BTNL9: variants seen among roughly 807,000 people sequenced by gnomAD.
BTNL9 encodes butyrophilin-like protein 9.
A neutral mutation model predicts 45.8 loss-of-function variants in BTNL9; 45 were observed. The ratio of observed to expected loss-of-function variants is 0.98; its 90% confidence interval spans 0.77 to 1.26. The LOEUF (loss-of-function observed/expected upper bound fraction) is 1.26, where lower values mean the gene tolerates loss of function less well. Ranked by LOEUF, BTNL9 falls within the 50% of genes most tolerant of loss-of-function variation. BTNL9 has a pLI of 0.00. For missense variants in BTNL9, 784 were observed against 729.7 expected (o/e 1.07, Z -0.86); for synonymous variants, 346 against 330.8 (o/e 1.05, Z -0.50).
In BTNL9 at chr5:181,045,775, T is replaced by A. The variant is rs564304598; in HGVS notation, c.109+177T>A. On this transcript the variant is annotated intron_variant, in intron 2 of 10. Coordinates refer to ENST00000327705, the MANE Select transcript of BTNL9 (RefSeq NM_152547.5). ...CCGAGCATTACCCAGCCTGTAGTGA[T>A]GTTCCTCCACCATCTCCCCAGCCCC... Among the ~76,000 whole-genome samples, 124 of 138,106 alleles carry A rather than the reference T, an allele frequency of 9.0e-4. No homozygotes were observed. The Middle Eastern group carries it at 0.012, about 13-fold the overall frequency. 90.6% of individuals were successfully genotyped at this position (138,106 alleles called of 152,430 possible). A position where few individuals can be genotyped will look rare whatever the true frequency, so the allele number is the denominator to read the frequency against.
chr5:181,043,232 ATGTGTGTG>A (rs1491388856), intron 1 of BTNL9, among the ~76,000 whole-genome samples: 4 of 42,556 alleles, frequency 9.4e-5, no homozygotes, highest in Admixed American at 2.4e-4. Flanking sequence ...GTGTGTGTCT[ATGTGTGTG>A]TCTGTGTGTG....
intron 4 of BTNL9, among the ~76,000 whole-genome samples, chr5:181,052,187 A>G (rs1761575303): frequency 6.6e-6 from 1 of 152,264 alleles, no homozygotes; most frequent in South Asian, 2.1e-4. Context: ...AAAATTAAAA[A>G]CCACAGTCCA....
rs1263682194 is a variant in BTNL9 at position 181,058,525 on chromosome 5, A to G, written c.982+147A>G. 8.5e-6 allele frequency: 9 copies of G among 1,060,308 alleles called. No homozygotes were observed. In the African/African-American group the frequency reaches 9.4e-5, roughly 11 times the overall value. The allele number at this position is 1,060,308 out of a possible 1,614,324, so 65.7% of individuals were successfully genotyped here. A position where few individuals can be genotyped will look rare whatever the true frequency, so the allele number is the denominator to read the frequency against. On this transcript the variant is annotated intron_variant, in intron 10 of 10. Coordinates refer to ENST00000327705, the MANE Select transcript of BTNL9 (RefSeq NM_152547.5). ...CACAAGACACACACGCACACTTGCA[A>G]ACACGCCACACGACACATATGCCTG...
chr5:181,045,519 C>T lies in BTNL9; in HGVS notation c.30C>T (p.Ser10=), dbSNP rs775890914. MVDLSVSPD[S]LKPVSLTSSL... Reference sequence around the variant, plus strand: ...TGGACCTCTCAGTCTCCCCAGACTCCTTGAAGCCAGTATCGCTGACCAGCA... The same window carrying T: ...TGGACCTCTCAGTCTCCCCAGACTCTTTGAAGCCAGTATCGCTGACCAGCA... Residue 10 remains serine, a synonymous_variant, in exon 2 of 11, where the codon TCC becomes TCT. Transcript: ENST00000327705. 4.3e-6 allele frequency: 7 copies of T among 1,612,320 alleles called. No homozygotes were observed. The highest frequency in any genetic ancestry group is 5.9e-6 in the Non-Finnish European group (7 of 1,178,990).
chr5:181,053,440 C>A lies in BTNL9; in HGVS notation c.854-29C>A. The A allele has an allele frequency of 6.4e-7, 1 of 1,556,140 alleles. No homozygotes were observed. Among genetic ancestry groups the A allele is most frequent in the African/African-American group, 1.4e-5 (1 of 73,678 alleles). On this transcript the variant is annotated intron_variant, in intron 5 of 10. Coordinates refer to ENST00000327705, the MANE Select transcript of BTNL9 (RefSeq NM_152547.5). The surrounding 1 kb of genome is among the most constrained non-coding windows in gnomAD (Gnocchi z 6.5). ...CCTGGAAGGGGCGGGGGCGCGCACTCAGCCCTCTCCGCTCCCGTTTCCCTT... is the reference window on the plus strand; with the variant it reads ...CCTGGAAGGGGCGGGGGCGCGCACTAAGCCCTCTCCGCTCCCGTTTCCCTT...
chr5:181,044,575 G>C (rs1369506938), intron 1 of BTNL9, among the ~76,000 whole-genome samples: 1 of 152,236 alleles, frequency 6.6e-6, no homozygotes, highest in African/African-American at 2.4e-5. Context: ...TTCAGGCAGA[G>C]ATTTCGGTCC....
chr5:181,044,935 GCAGC>G (rs748190345), intron 1 of BTNL9, among the ~76,000 whole-genome samples: 25 of 152,320 alleles, frequency 1.6e-4, no homozygotes, highest in Non-Finnish European at 2.6e-4. Flanking sequence ...GGGCTGGCAG[GCAGC>G]CACCTGCATG....
Position 181,055,419 on chromosome 5 carries a change from T to A in BTNL9, c.908-14T>A, listed in dbSNP as rs748742004. On this transcript the variant is annotated splice_polypyrimidine_tract_variant and intron_variant, in intron 7 of 10. Coordinates refer to ENST00000327705, the MANE Select transcript of BTNL9 (RefSeq NM_152547.5). This position sits in a 1 kb window ranked among gnomAD's most constrained non-coding sequence, Gnocchi z 4.4. ...CCTGCAGGCTGAAGTTTTCTTTGTG[T>A]GTTCTGCTTGCAGAAAAGCTTCAGA... is the stretch of plus-strand genomic sequence containing the variant. 2 of 1,614,152 alleles carry A rather than the reference T, an allele frequency of 1.2e-6. No homozygotes were observed. The highest frequency in any genetic ancestry group is 1.7e-6 in the Non-Finnish European group (2 of 1,180,038).
At position 181,055,723 on chromosome 5, in the gene BTNL9, G is replaced by C. The variant is rs2113242869; in HGVS notation, c.929-266G>C. The C allele has an allele frequency of 2.9e-6, 2 of 692,734 alleles. No individual in the cohort carries two copies. The highest frequency in any genetic ancestry group is 2.6e-6 in the Non-Finnish European group (1 of 382,360). The allele number at this position is 692,734 out of a possible 1,614,324, so 42.9% of individuals were successfully genotyped here. A position where few individuals can be genotyped will look rare whatever the true frequency, so the allele number is the denominator to read the frequency against. On this transcript the variant is annotated intron_variant, in intron 8 of 10. Coordinates refer to ENST00000327705, the MANE Select transcript of BTNL9 (RefSeq NM_152547.5). This position sits in a 1 kb window ranked among gnomAD's most constrained non-coding sequence, Gnocchi z 4.4. ...AGCGGAGCTTGCAGTGAGCCGAGATGGCGCCACTGCACTCCAGCCTGGGCG... is the reference window on the plus strand; with the variant it reads ...AGCGGAGCTTGCAGTGAGCCGAGATCGCGCCACTGCACTCCAGCCTGGGCG...
Position 181,053,376 on chromosome 5 carries a change from C to G in BTNL9, c.853+60C>G. On this transcript the variant is annotated intron_variant, in intron 5 of 10. Transcript: ENST00000327705. The surrounding 1 kb of genome is among the most constrained non-coding windows in gnomAD (Gnocchi z 6.5). The stretch of plus-strand genomic sequence containing the variant: ...CGGCCGGTGCTGAACCCCGGGGCCG[C>G]GGAGGCGCCTCCCCCCAGGACGCGG... 6.6e-7 allele frequency: 1 copy of G among 1,512,258 alleles called. No individual in the cohort carries two copies. The highest frequency in any genetic ancestry group is 1.3e-5 in the South Asian group (1 of 78,112). The allele number at this position is 1,512,258 out of a possible 1,614,324, so 93.7% of individuals were successfully genotyped here.
chr5:181,058,425 T>G (rs1159915085), intron 10 of BTNL9, 47 bp downstream of exon 10: 2 of 1,613,728 alleles, frequency 1.2e-6, no homozygotes, highest in East Asian at 2.2e-5. Context: ...TGGCCGGATC[T>G]TAAACAGAAG....
rs1412193468 is a variant in BTNL9 at position 181,042,348 on chromosome 5, C to G, written c.-24+1916C>G. Among the ~76,000 whole-genome samples the G allele has an allele frequency of 6.6e-6, 1 of 152,160 alleles. No individual in the cohort carries two copies. The highest frequency in any genetic ancestry group is 1.5e-5 in the Non-Finnish European group (1 of 68,030). ...CCCCAAATATCCGACGCGTCCAGTC[C>G]CTTACTCCTTCCCCAGGCAAAACCT... On this transcript the variant is annotated intron_variant, in intron 1 of 10. Transcript: ENST00000327705. This position sits in a 1 kb window ranked among gnomAD's most constrained non-coding sequence, Gnocchi z 4.5.
rs979201957 is a variant in BTNL9, at chr5:181,059,614, G to T, written c.1360G>T (p.Asp454Tyr). The change falls in exon 11 of 11, where the codon GAC (aspartate) becomes TAC (tyrosine). Residue 454 changes from aspartate (D) to tyrosine (Y), a missense_variant. Transcript: ENST00000327705. ...CCCGCGGCGCCTGGGCGTCTTCCTG[G>T]ACTACGAGGCCGGAGAGCTGTCCTT... ...VPPRRLGVFLDYEAGELSFFN... is the reference protein window; with the variant it reads ...VPPRRLGVFLYYEAGELSFFN... The T allele has an allele frequency of 1.2e-6, 2 of 1,613,486 alleles. No individual in the cohort carries two copies. Among genetic ancestry groups the T allele is most frequent in the Non-Finnish European group, 1.7e-6 (2 of 1,179,940 alleles).
At chr5:181,058,676 C>G (rs1474677448) in intron 10 of BTNL9, among the ~76,000 whole-genome samples, 2 of 152,122 alleles carry the variant, frequency 1.3e-5, no homozygotes, top group African/African-American at 4.8e-5. Flanking sequence ...TAATGAACCT[C>G]CCAGATTCTC....
chr5:181,046,381 T>C (rs1453285780), intron 2 of BTNL9, among the ~76,000 whole-genome samples: 5 of 151,998 alleles, frequency 3.3e-5, no homozygotes, highest in African/African-American at 1.2e-4. Context: ...TCCACAGGCA[T>C]AGCAGGGAGC....
chr5:181,054,106 C>G (rs1761742586), intron 6 of BTNL9, 133 bp from the exon 7 acceptor site: 2 of 1,555,010 alleles, frequency 1.3e-6, no homozygotes, highest in African/African-American at 1.4e-5. Context: ...AGCCTGGGCC[C>G]GCAGACCACC....
At chr5:181,045,736 A>G in intron 2 of BTNL9, 138 bp downstream of exon 2, 1 of 688,096 alleles carries the variant, frequency 1.5e-6, no homozygotes, top group South Asian at 1.7e-5. Context: ...CCTGGTTGTT[A>G]AAGAGCCACT....
In BTNL9 at chr5:181,059,232, C is replaced by T. The variant is rs1762034872; in HGVS notation, c.983-5C>T. ...GGCGGGCACTAACGCTGTGGCTCTG[C>T]GCAGTGGATGTGACGCTGGACCCGG... On this transcript the variant is annotated splice_region_variant and splice_polypyrimidine_tract_variant and intron_variant, in intron 10 of 10. Coordinates refer to ENST00000327705, the MANE Select transcript of BTNL9 (RefSeq NM_152547.5). 2 of 1,540,182 alleles carry T rather than the reference C, an allele frequency of 1.3e-6. No individual in the cohort carries two copies. Among genetic ancestry groups the T allele is most frequent in the African/African-American group, 1.4e-5 (1 of 71,550 alleles).
At chr5:181,048,859 A>C (rs1761371504) in intron 3 of BTNL9, among the ~76,000 whole-genome samples, 2 of 129,632 alleles carry the variant, frequency 1.5e-5, no homozygotes, top group Non-Finnish European at 3.2e-5. Flanking sequence ...ATAATATTAT[A>C]TAATTATATT....
Sources: gnomAD v4.1 joint callset for allele counts (sites outside exome capture counted in the v4.1 genomes callset) on GRCh38, gnomAD v4.1.1 for gene constraint, Gnocchi (gnomAD v3.1) non-coding constraint, MANE v1.5 for transcripts, NCBI Gene and HGNC (gene_info 2026-07-23, HGNC 2026-07-21) for gene names.